Variants in CATSPER4 observed in about 807,000 individuals in gnomAD.
CATSPER4 encodes cation channel sperm-associated protein 4.
In CATSPER4, 46 loss-of-function variants were observed where a neutral mutation model predicts 54.4. That is an observed-to-expected ratio of 0.84 (90% CI 0.67 to 1.08). The LOEUF (loss-of-function observed/expected upper bound fraction) is 1.08, where lower values mean the gene tolerates loss of function less well. Among genes scored for constraint, CATSPER4 ranks in the 50% least tolerant of loss-of-function variants. The pLI, the probability that CATSPER4 is intolerant of heterozygous loss-of-function variation, is 0.00. For synonymous variants in CATSPER4, 230 were observed against 231.9 expected (o/e 0.99, Z 0.08); for missense variants, 574 against 612.8 (o/e 0.94, Z 0.67).
intron 6 of CATSPER4, among the ~76,000 whole-genome samples, chr1:26,198,678 G>A (rs2088972269): frequency 6.6e-6 from 1 of 152,178 alleles, no homozygotes; most frequent in Non-Finnish European, 1.5e-5. Flanking sequence ...TAACCAGCTG[G>A]GTAGTTGGCC....
chr1:26,193,852 C>T lies in CATSPER4; in HGVS notation c.423C>T (p.Leu141=). 2 of 1,614,144 alleles carry T rather than the reference C, an allele frequency of 1.2e-6. No homozygotes were observed. Among genetic ancestry groups the T allele is most frequent in the Non-Finnish European group, 1.7e-6 (2 of 1,179,986 alleles). ...TGACCATCCTTCTTTGTGAGGTTCT[C>T]CTTGGCTGGCTCAATGGCTTCTGGA... The part of the protein sequence containing the change: ...IVLTILLCEV[L]LGWLNGFWIF... The change falls in exon 3 of 10, where the codon CTC becomes CTT. Residue 141 remains leucine (L), a synonymous_variant. Transcript: ENST00000456354.
intron 6 of CATSPER4, 27 bp from the exon 7 acceptor site, chr1:26,199,857 G>C (rs17257148): frequency 0.17 from 281,041 of 1,611,480 alleles, 25,820 homozygotes; most frequent in African/African-American, 0.2. Flanking sequence ...CCAGGGAAAT[G>C]ATGGGGCCCC....
rs144202417 is a variant in CATSPER4 at position 26,193,804 on chromosome 1, C to G, written c.375C>G (p.Phe125Leu). 3.9e-5 allele frequency: 63 copies of G among 1,612,478 alleles called. No individual in the cohort carries two copies. Among genetic ancestry groups the G allele is most frequent in the Middle Eastern group, 1.6e-4 (1 of 6,084 alleles). ...SYLDQKHYELFSTIDDIVLTI... is the reference protein window; with the variant it reads ...SYLDQKHYELLSTIDDIVLTI... ...CCATGTAGAAACACTATGAGTTGTT[C>G]TCTACCATAGATGACATTGTGCTGA... The change falls in exon 3 of 10, where the codon TTC becomes TTG. Residue 125 changes from phenylalanine to leucine, a missense_variant. Phe to Leu is a conservative substitution (Grantham distance 22). Transcript: ENST00000456354.
Position 26,193,690 on chromosome 1 carries a change from G to A in CATSPER4, c.358-97G>A, listed in dbSNP as rs2088901385. 14 of 801,806 alleles carry A rather than the reference G, an allele frequency of 1.7e-5. No homozygotes were observed. The South Asian group carries it at 1.9e-4, about 11-fold the overall frequency. 49.7% of individuals were successfully genotyped at this position (801,806 alleles called of 1,614,324 possible). ...AGGACCAAGAGCAGCAGTGATACGG[G>A]ACTTCCCTCCCCTACATACATCCTC... On this transcript the variant is annotated intron_variant, in intron 2 of 9. Transcript: ENST00000456354.
chr1:26,192,463 G>A (rs1569899833), intron 2 of CATSPER4, among the ~76,000 whole-genome samples: 1 of 151,796 alleles, frequency 6.6e-6, no homozygotes, highest in Non-Finnish European at 1.5e-5. Flanking sequence ...GGTGGTGGGC[G>A]CCTATAATCC....
chr1:26,196,850 G>T (rs1000247849), intron 3 of CATSPER4, among the ~76,000 whole-genome samples: 1 of 151,384 alleles, frequency 6.6e-6, no homozygotes, highest in Non-Finnish European at 1.5e-5. Flanking sequence ...TCATTCCTGT[G>T]TAAGTGTCTT....
At position 26,202,755 on chromosome 1, in the gene CATSPER4, G is replaced by T; in HGVS notation, c.*213G>T. 5 of 610,030 alleles carry T rather than the reference G, an allele frequency of 8.2e-6. No individual in the cohort carries two copies. The highest frequency in any genetic ancestry group is 1.5e-5 in the Non-Finnish European group (5 of 339,804). 37.8% of individuals were successfully genotyped at this position (610,030 alleles called of 1,614,324 possible). ...GCAAGGAGAGAGGAGGATGCTGGAT[G>T]ATGAGAGTGGGAACCCTAGCAGCAA... On this transcript the variant is annotated 3_prime_UTR_variant, in exon 10 of 10. Transcript: ENST00000456354.
At chr1:26,197,810 G>T (rs754662041) in intron 4 of CATSPER4, 27 bp downstream of exon 4, 1 of 1,608,532 alleles carries the variant, frequency 6.2e-7, no homozygotes, top group Non-Finnish European at 8.5e-7. Context: ...GGAGAAATGA[G>T]GGGGACCTAT....
Position 26,201,472 on chromosome 1 carries a change from A to G in CATSPER4, c.1318A>G (p.Met440Val). ...TACGTCATCCAAGGACATCCGCCAG[A>G]TGTCTCAACAGCAAGACTTGCTCAG... The part of the protein sequence containing the change: ...ETTSSKDIRQ[M>V]SQQQDLLSAL... The change falls in exon 9 of 10, where the codon ATG becomes GTG. Residue 440 changes from methionine to valine, a missense_variant. By Grantham distance (21) the Met-to-Val change is conservative. Transcript: ENST00000456354. 1.9e-6 allele frequency: 3 copies of G among 1,614,034 alleles called. No individual in the cohort carries two copies. The highest frequency in any genetic ancestry group is 2.5e-6 in the Non-Finnish European group (3 of 1,179,960).
Position 26,198,074 on chromosome 1 carries a change from G to T in CATSPER4, c.675G>T (p.Met225Ile), listed in dbSNP as rs2124527482. Residue 225 changes from methionine to isoleucine, a missense_variant, in exon 5 of 10, where the codon ATG (methionine) becomes ATT (isoleucine). Physicochemically the swap from Met to Ile is conservative, Grantham distance 10. Coordinates refer to ENST00000456354, the MANE Select transcript of CATSPER4 (RefSeq NM_198137.2). Reference protein sequence around the residue: ...ANIMVLILFFMLVFSVFGVTL... With the variant: ...ANIMVLILFFILVFSVFGVTL... Reference sequence around the variant, plus strand: ...TCATGGTCCTCATCCTCTTCTTCATGCTGGTCAGTGCCTGCCCCCGCCCCC... The same window carrying T: ...TCATGGTCCTCATCCTCTTCTTCATTCTGGTCAGTGCCTGCCCCCGCCCCC... 1.2e-6 allele frequency: 2 copies of T among 1,614,176 alleles called. No individual in the cohort carries two copies. The highest frequency in any genetic ancestry group is 1.3e-5 in the African/African-American group (1 of 75,038).
chr1:26,200,273 C>T (rs563298834), intron 7 of CATSPER4, among the ~76,000 whole-genome samples: 31 of 152,216 alleles, frequency 2.0e-4, no homozygotes, highest in Non-Finnish European at 4.1e-4. Context: ...TCTATGGCAA[C>T]TCAAAACTGA....
At chr1:26,197,310 T>A (rs987985972) in intron 3 of CATSPER4, among the ~76,000 whole-genome samples, 3 of 152,208 alleles carry the variant, frequency 2.0e-5, no homozygotes, top group Non-Finnish European at 4.4e-5. Context: ...ATTTTATTAT[T>A]AATTGTAGTG....
intron 2 of CATSPER4, among the ~76,000 whole-genome samples, chr1:26,191,901 C>A (rs964490484): frequency 6.6e-6 from 1 of 152,124 alleles, no homozygotes; most frequent in Non-Finnish European, 1.5e-5. Context: ...CGAACCTAAT[C>A]TCAGGGGTCA....
rs1413670924 is a variant in CATSPER4, at chr1:26,190,757, C to G, written c.130C>G (p.Pro44Ala). The G allele has an allele frequency of 1.2e-6, 2 of 1,613,496 alleles. No individual in the cohort carries two copies. The highest frequency in any genetic ancestry group is 1.7e-6 in the Non-Finnish European group (2 of 1,179,882). The change falls in exon 1 of 10, where the codon CCC becomes GCC. Residue 44 changes from proline to alanine, a missense_variant. Transcript: ENST00000456354. ...AVAALRGRPS[P>A]LQSTIHESYG... ...AGCTGCACTGAGGGGCCGCCCCTCT[C>G]CCCTGCAGAGTACCATTCACGAGTC...
At chr1:26,202,370 A>G (rs2089017658) in intron 9 of CATSPER4, 119 bp from the exon 10 acceptor site, 1 of 862,434 alleles carries the variant, frequency 1.2e-6, no homozygotes, top group South Asian at 1.4e-5. Context: ...AGTTAGACCT[A>G]TGAAGCACTT....
chr1:26,200,783 GTGCC>G (rs539870674), intron 7 of CATSPER4, 43 bp from the exon 8 acceptor site: 143 of 1,485,126 alleles, frequency 9.6e-5, no homozygotes, highest in Non-Finnish European at 1.2e-4. Context: ...TGCCGGGGGC[GTGCC>G]TGCCTGAGCT....
rs140515191 is a variant in CATSPER4 at position 26,198,385 on chromosome 1, C to G, written c.778C>G (p.Gln260Glu). 5 of 1,614,060 alleles carry G rather than the reference C, an allele frequency of 3.1e-6. No individual in the cohort carries two copies. Among genetic ancestry groups the G allele is most frequent in the East Asian group, 2.2e-5 (1 of 44,898 alleles). The change falls in exon 6 of 10, where the codon CAG becomes GAG. Residue 260 changes from glutamine to glutamate, a missense_variant. Physicochemically the swap from Gln to Glu is conservative, Grantham distance 29 (BLOSUM62 2). Transcript: ENST00000456354. ...GTACACCCTCTTCATCTGCATCACC[C>G]AGGACGGCTGGGTGGACATCTACAG... is the stretch of plus-strand genomic sequence containing the variant. ...ALYTLFICIT[Q>E]DGWVDIYSDF... is the part of the protein sequence containing the mutation.
In CATSPER4 at chr1:26,201,579, C is replaced by T. The variant is rs767463210; in HGVS notation, c.1365+60C>T. Reference sequence around the variant, plus strand: ...CCCTGACACTCTGCTCAGCCCAGCCCAGCCGGGCCTCTGGACCATTTGTCA... The same window carrying T: ...CCCTGACACTCTGCTCAGCCCAGCCTAGCCGGGCCTCTGGACCATTTGTCA... On this transcript the variant is annotated intron_variant, in intron 9 of 9. Coordinates refer to ENST00000456354, the MANE Select transcript of CATSPER4 (RefSeq NM_198137.2). The T allele has an allele frequency of 1.9e-6, 3 of 1,553,494 alleles. No homozygotes were observed. The Admixed American group carries it at 5.0e-5, about 26-fold the overall frequency.
intron 3 of CATSPER4, among the ~76,000 whole-genome samples, chr1:26,195,448 A>T (rs1553155156): frequency 6.6e-6 from 1 of 152,132 alleles, no homozygotes; most frequent in Non-Finnish European, 1.5e-5. Flanking sequence ...GACAGGAAGA[A>T]AGAGAGAGAG....
Sources: allele counts gnomAD v4.1 joint callset (sites outside exome capture counted in the v4.1 genomes callset), GRCh38; gene constraint gnomAD v4.1.1; transcripts MANE v1.5; gene names NCBI Gene and HGNC (gene_info 2026-07-23, HGNC 2026-07-21).